Variants in NCAM1 observed in about 807,000 individuals in gnomAD.
NCAM1 encodes antigen recognized by monoclonal antibody 5.1H11.
A neutral mutation model predicts 109.8 loss-of-function variants in NCAM1; 14 were observed. The observed-to-expected ratio is 0.13, with a 90% confidence interval of 0.08 to 0.20. NCAM1 has a LOEUF of 0.20. Ranked by LOEUF, NCAM1 falls within the 10% of genes least tolerant of loss-of-function variation. NCAM1 has a pLI of 1.00. For synonymous variants in NCAM1, 418 were observed against 442.9 expected (o/e 0.94, Z 0.70); for missense variants, 774 against 1,109.9 (o/e 0.70, Z 4.30).
intron 15 of NCAM1, among the ~76,000 whole-genome samples, chr11:113,250,533 C>G (rs1474613609): frequency 1.3e-5 from 2 of 152,080 alleles, no homozygotes; most frequent in African/African-American, 4.8e-5. Flanking sequence ...TTGGACTTTT[C>G]AAAAACTAAG....
intron 1 of NCAM1, among the ~76,000 whole-genome samples, chr11:113,189,619 T>G (rs1452751504): frequency 6.6e-6 from 1 of 152,110 alleles, no homozygotes; most frequent in African/African-American, 2.4e-5. Context: ...CATTCTGATT[T>G]TAGTCCTTGA....
In NCAM1 at chr11:113,207,829, C is replaced by G. The variant is rs1555113118; in HGVS notation, c.747-4C>G. 1.9e-6 allele frequency: 3 copies of G among 1,608,242 alleles called. No individual in the cohort carries two copies. In the South Asian group the frequency reaches 3.4e-5, roughly 18 times the overall value. Reference sequence around the variant, plus strand: ...ATGCTACTTTGCATTTCTACATGCTCTAGGGATGGGGAACAGATAGAGCAA... The same window carrying G: ...ATGCTACTTTGCATTTCTACATGCTGTAGGGATGGGGAACAGATAGAGCAA... On this transcript the variant is annotated splice_region_variant and splice_polypyrimidine_tract_variant and intron_variant, in intron 6 of 19. Coordinates refer to ENST00000316851, the MANE Select transcript of NCAM1 (RefSeq NM_181351.5).
At chr11:113,098,766 A>C (rs968685710) in intron 1 of NCAM1, among the ~76,000 whole-genome samples, 1 of 152,202 alleles carries the variant, frequency 6.6e-6, no homozygotes, top group African/African-American at 2.4e-5. Flanking sequence ...AGGGGAGCAC[A>C]GTGCGTTCCA....
intron 1 of NCAM1, among the ~76,000 whole-genome samples, chr11:113,111,768 T>C (rs774313268): frequency 6.6e-6 from 1 of 152,212 alleles, no homozygotes; most frequent in Non-Finnish European, 1.5e-5. Context: ...ATCACATATA[T>C]ATATGTCTTT....
intron 8 of NCAM1, among the ~76,000 whole-genome samples, chr11:113,217,994 C>T (rs909314846): frequency 6.6e-6 from 1 of 152,172 alleles, no homozygotes; most frequent in African/African-American, 2.4e-5. Context: ...TCTAACCAGT[C>T]AGGACTGACT....
intron 1 of NCAM1, among the ~76,000 whole-genome samples, chr11:113,124,578 C>T (rs374554960): frequency 2.0e-5 from 3 of 152,278 alleles, no homozygotes; most frequent in East Asian, 3.9e-4. Context: ...TTTAGTCTTG[C>T]GGTTCATTAC....
At chr11:113,036,336 C>A (rs1460667437) in intron 1 of NCAM1, among the ~76,000 whole-genome samples, 4 of 152,134 alleles carry the variant, frequency 2.6e-5, no homozygotes, top group Non-Finnish European at 5.9e-5. Context: ...GACGCAGCAG[C>A]CCTCTCCAGC....
intron 1 of NCAM1, among the ~76,000 whole-genome samples, chr11:113,035,346 C>G (rs1171336823): frequency 1.3e-5 from 2 of 152,164 alleles, no homozygotes; most frequent in African/African-American, 2.4e-5. Context: ...GAGCAGCAGA[C>G]AGCAGAATCA....
At chr11:113,182,554 C>CATT (rs1943365961) in intron 1 of NCAM1, among the ~76,000 whole-genome samples, 1 of 152,212 alleles carries the variant, frequency 6.6e-6, no homozygotes, top group Non-Finnish European at 1.5e-5. Flanking sequence ...TCTTCATTGC[C>CATT]ACTCTATGAT....
chr11:113,229,920 C>T (rs1365898387), intron 9 of NCAM1, among the ~76,000 whole-genome samples: 1 of 151,696 alleles, frequency 6.6e-6, no homozygotes, highest in Non-Finnish European at 1.5e-5. Flanking sequence ...ACATCACACA[C>T]TGGGGCCTGT....
chr11:113,083,144 C>A (rs1555087597), intron 1 of NCAM1, among the ~76,000 whole-genome samples: 4 of 151,876 alleles, frequency 2.6e-5, no homozygotes, highest in Non-Finnish European at 5.9e-5. Flanking sequence ...AGTCTCTGCT[C>A]CTGGCCATGT....
At position 113,193,184 on chromosome 11, in the gene NCAM1, A is replaced by C. The variant is rs183007860; in HGVS notation, c.53-9195A>C. Among the ~76,000 whole-genome samples the C allele has an allele frequency of 3.9e-5, 6 of 152,174 alleles. No individual in the cohort carries two copies. The East Asian group carries it at 9.7e-4, about 25-fold the overall frequency. ...GGAAAGCATTCTCGTCTTCTATGAGACTCTGTTAAAACTAGAAAACAAACA... is the reference window on the plus strand; with the variant it reads ...GGAAAGCATTCTCGTCTTCTATGAGCCTCTGTTAAAACTAGAAAACAAACA... On this transcript the variant is annotated intron_variant, in intron 1 of 19. Transcript: ENST00000316851.
At chr11:113,015,573 TA>T (rs1253148332) in intron 1 of NCAM1, among the ~76,000 whole-genome samples, 1 of 151,786 alleles carries the variant, frequency 6.6e-6, no homozygotes, top group Non-Finnish European at 1.5e-5. Flanking sequence ...CCATCTCTAC[TA>T]AAAATACAAA....
At chr11:112,992,506 T>C (rs1407493214) in intron 1 of NCAM1, among the ~76,000 whole-genome samples, 1 of 148,520 alleles carries the variant, frequency 6.7e-6, no homozygotes, top group Non-Finnish European at 1.5e-5. Flanking sequence ...TTTTTTTCTT[T>C]TTTTTTTTTT....
chr11:113,031,465 G>A (rs934212840), intron 1 of NCAM1, among the ~76,000 whole-genome samples: 4 of 152,178 alleles, frequency 2.6e-5, no homozygotes, highest in African/African-American at 9.7e-5. Flanking sequence ...GCCGAGGCGG[G>A]CAGATCGCCT....
At position 113,207,367 on chromosome 11, in the gene NCAM1, G is replaced by C; in HGVS notation, c.735G>C (p.Met245Ile). The stretch of plus-strand genomic sequence containing the variant: ...CCGAAGGCTTCCCAGAGCCCACCAT[G>C]AGCTGGACAAAGTAAGAAACTGGCT... ...CDAEGFPEPT[M>I]SWTKDGEQIE... Residue 245 changes from methionine to isoleucine, a missense_variant, in exon 6 of 20, where the codon ATG becomes ATC. Physicochemically the swap from Met to Ile is conservative, Grantham distance 10. Transcript: ENST00000316851. 6.2e-6 allele frequency: 10 copies of C among 1,613,608 alleles called. No individual in the cohort carries two copies. The highest frequency in any genetic ancestry group is 8.5e-6 in the Non-Finnish European group (10 of 1,179,526).
At chr11:113,145,041 G>A (rs782194779) in intron 1 of NCAM1, among the ~76,000 whole-genome samples, 1 of 152,144 alleles carries the variant, frequency 6.6e-6, no homozygotes, top group Non-Finnish European at 1.5e-5. Flanking sequence ...ACCTGAGAAA[G>A]ATAGATACCT....
chr11:113,270,022 T>A, intron 17 of NCAM1, 166 bp from the exon 18 acceptor site: 2 of 656,880 alleles, frequency 3.0e-6, no homozygotes, highest in African/African-American at 3.6e-5. Context: ...AGACCCTGTT[T>A]TCTCAATTCT....
At chr11:113,037,532 CT>C (rs1952931621) in intron 1 of NCAM1, among the ~76,000 whole-genome samples, 1 of 152,186 alleles carries the variant, frequency 6.6e-6, no homozygotes, top group Non-Finnish European at 1.5e-5. Context: ...TCCATCATCA[CT>C]GGACCCCTGA....
Sources: gnomAD v4.1 joint callset for allele counts (sites outside exome capture counted in the v4.1 genomes callset) on GRCh38, gnomAD v4.1.1 for gene constraint, MANE v1.5 for transcripts, NCBI Gene and HGNC (gene_info 2026-07-23, HGNC 2026-07-21) for gene names.